Variants in EPN2 observed in about 807,000 individuals in gnomAD.
The protein encoded by EPN2 is epsin-2.
EPN2 carries 34 observed loss-of-function variants against 61.7 expected under a neutral mutation model. The observed-to-expected ratio is 0.55, with a 90% CI of 0.42 to 0.73. The LOEUF is 0.73. EPN2 is among the 30% of genes least tolerant of loss of function. The pLI is 0.00. For synonymous variants in EPN2, 349 were observed against 353.6 expected (o/e 0.99, Z 0.15); for missense variants, 714 against 839.2 (o/e 0.85, Z 1.84).
chr17:19,254,941 G>C (rs1421586161), intron 1 of EPN2, among the ~76,000 whole-genome samples: 2 of 152,184 alleles, frequency 1.3e-5, no homozygotes, highest in African/African-American at 4.8e-5. Flanking sequence ...ATGGTTGTCA[G>C]TGTGGAAAGT....
chr17:19,239,552 G>T (rs1472183128), intron 1 of EPN2, among the ~76,000 whole-genome samples: 1 of 152,174 alleles, frequency 6.6e-6, no homozygotes, highest in Non-Finnish European at 1.5e-5. Flanking sequence ...GTCTCACTGG[G>T]CTATTCTTTT....
At chr17:19,265,575 G>A (rs2045188292) in intron 1 of EPN2, among the ~76,000 whole-genome samples, 1 of 152,074 alleles carries the variant, frequency 6.6e-6, no homozygotes, top group Non-Finnish European at 1.5e-5. Context: ...CCTGCTCTTG[G>A]CCCTTTCTTG....
At chr17:19,328,929 C>T (rs141990986) in intron 8 of EPN2, 42 bp downstream of exon 8, 6 of 1,555,652 alleles carry the variant, frequency 3.9e-6, no homozygotes, top group East Asian at 2.3e-5. Flanking sequence ...GGCCTCTGAG[C>T]GCCCACGGGC....
At chr17:19,278,409 G>T (rs868067606) in intron 1 of EPN2, among the ~76,000 whole-genome samples, 22 of 152,264 alleles carry the variant, frequency 1.4e-4, no homozygotes, top group Middle Eastern at 6.8e-3. Flanking sequence ...GAGGTGAAAG[G>T]CACTTCTTAC....
In EPN2 at chr17:19,334,410, C is replaced by T. The variant is rs572060429; in HGVS notation, c.*156C>T. 6 of 539,848 alleles carry T rather than the reference C, an allele frequency of 1.1e-5. No individual in the cohort carries two copies. The highest frequency in any genetic ancestry group is 5.1e-4 in the Middle Eastern group (1 of 1,958). The allele number at this position is 539,848 out of a possible 1,614,324, so 33.4% of individuals were successfully genotyped here. A position where few individuals can be genotyped will look rare whatever the true frequency, so the allele number is the denominator to read the frequency against. ...AAAGGGCTGTCTTTACAGCCCCAACCCTCAGACCCTCGCCTTCCAAGGCAG... is the reference window on the plus strand; with the variant it reads ...AAAGGGCTGTCTTTACAGCCCCAACTCTCAGACCCTCGCCTTCCAAGGCAG... On this transcript the variant is annotated 3_prime_UTR_variant, in exon 11 of 11. Coordinates refer to ENST00000314728, the MANE Select transcript of EPN2 (RefSeq NM_014964.5). This position sits in a 1 kb window ranked among gnomAD's most constrained non-coding sequence, Gnocchi z 4.9.
intron 10 of EPN2, among the ~76,000 whole-genome samples, chr17:19,332,696 G>A (rs1907219219): frequency 6.6e-6 from 1 of 152,170 alleles, no homozygotes; most frequent in South Asian, 2.1e-4. Flanking sequence ...TTAAGCCCAG[G>A]CTGTTACACA....
intron 4 of EPN2, among the ~76,000 whole-genome samples, chr17:19,294,254 C>CA (rs35174163): frequency 0.69 from 100,537 of 144,672 alleles, 37,682 homozygotes; most frequent in Non-Finnish European, 0.86. Context: ...CCCATCGCTA[C>CA]AAAAAAAAAA....
intron 5 of EPN2, 64 bp downstream of exon 5, chr17:19,310,061 C>A: frequency 8.4e-7 from 1 of 1,193,270 alleles, no homozygotes; most frequent in Non-Finnish European, 1.2e-6. Flanking sequence ...GTGTGGCTCA[C>A]TGGGAAGAAG....
chr17:19,266,161 C>T (rs1367839478), intron 1 of EPN2, among the ~76,000 whole-genome samples: 2 of 152,184 alleles, frequency 1.3e-5, no homozygotes, highest in African/African-American at 4.8e-5. Context: ...AATAAAAAAT[C>T]AACCTTAGTA....
chr17:19,287,250 TC>T (rs1458046864), intron 4 of EPN2, among the ~76,000 whole-genome samples: 1 of 151,894 alleles, frequency 6.6e-6, no homozygotes, highest in Non-Finnish European at 1.5e-5. Context: ...TGCCCCCTGT[TC>T]CCCCAACCTG....
chr17:19,311,921 T>C, intron 5 of EPN2, 131 bp from the exon 6 acceptor site: 1 of 707,048 alleles, frequency 1.4e-6, no homozygotes, highest in South Asian at 1.7e-5. Context: ...TAATTGTGTT[T>C]TACAAGTAGT....
rs1464689674 is a variant in EPN2 at position 19,285,595 on chromosome 17, G to GTGTGTGTGTGT, written c.596-24_596-14dup. 1.8e-5 allele frequency: 27 copies of GTGTGTGTGTGT among 1,493,258 alleles called. No homozygotes were observed. In the East Asian group the frequency reaches 6.3e-4, roughly 35 times the overall value. 92.5% of individuals were successfully genotyped at this position (1,493,258 alleles called of 1,614,324 possible). On this transcript the variant is annotated intron_variant, in intron 3 of 10. Coordinates refer to ENST00000314728, the MANE Select transcript of EPN2 (RefSeq NM_014964.5). This position sits in a 1 kb window ranked among gnomAD's most constrained non-coding sequence, Gnocchi z 4.5. ...CCTCTAATGGCGTGTCTCTCTGTGTGTGTGTGTGTGTCCCTGCCCCACAGC... is the reference window on the plus strand; with the variant it reads ...CCTCTAATGGCGTGTCTCTCTGTGTGTGTGTGTGTGTTGTGTGTGTGTCCCTGCCCCACAGC...
At chr17:19,329,716 A>G (rs1907071173) in intron 9 of EPN2, 69 bp downstream of exon 9, 2 of 960,940 alleles carry the variant, frequency 2.1e-6, no homozygotes, top group African/African-American at 1.6e-5. Context: ...TGCAGAAATA[A>G]TAATCAGCTT....
At chr17:19,298,284 C>T (rs2045540562) in intron 4 of EPN2, among the ~76,000 whole-genome samples, 5 of 152,020 alleles carry the variant, frequency 3.3e-5, no homozygotes, top group Admixed American at 3.3e-4. Context: ...AACCTCCGCC[C>T]CCCAGGTTCA....
At chr17:19,264,303 G>A (rs1250163348) in intron 1 of EPN2, among the ~76,000 whole-genome samples, 7 of 152,156 alleles carry the variant, frequency 4.6e-5, no homozygotes, top group Non-Finnish European at 8.8e-5. Context: ...AATTTAGTGC[G>A]AAGTAAACTA....
At chr17:19,309,403 A>G (rs1386344428) in intron 4 of EPN2, among the ~76,000 whole-genome samples, 2 of 152,212 alleles carry the variant, frequency 1.3e-5, no homozygotes, top group South Asian at 4.1e-4. Context: ...TGTGAGGATT[A>G]TAGGCGTGAG....
intron 5 of EPN2, 92 bp downstream of exon 5, chr17:19,310,089 G>A (rs1187050126): frequency 1.2e-6 from 1 of 868,804 alleles, no homozygotes; most frequent in Non-Finnish European, 1.9e-6. Flanking sequence ...ACACAGCCCT[G>A]TCTTCAAAAC....
chr17:19,291,404 C>A (rs2045463194), intron 4 of EPN2, among the ~76,000 whole-genome samples: 1 of 146,006 alleles, frequency 6.8e-6, no homozygotes, highest in African/African-American at 2.5e-5. Context: ...AATGGCAAGG[C>A]TATCCACGGT....
At chr17:19,297,167 A>G (rs1371953289) in intron 4 of EPN2, 1 of 152,180 alleles carries the variant, frequency 6.6e-6, no homozygotes, top group Non-Finnish European at 1.5e-5. Context: ...TTTTAGTGAC[A>G]GGGCCCTGGC....
Sources: allele counts gnomAD v4.1 joint callset (sites outside exome capture counted in the v4.1 genomes callset), GRCh38; gene constraint gnomAD v4.1.1; non-coding constraint Gnocchi (gnomAD v3.1); transcripts MANE v1.5; gene names NCBI Gene and HGNC (gene_info 2026-07-23, HGNC 2026-07-21).